The following SYN3 variants were observed in gnomAD, a reference collection of about 807,000 sequenced individuals.
SYN3 encodes synapsin III, also known as synapsin-3.
Under a neutral mutation model 65.8 loss-of-function variants are expected in SYN3, and 35 were observed. The ratio of observed to expected loss-of-function variants is 0.53; its 90% CI spans 0.41 to 0.70. The LOEUF (loss-of-function observed/expected upper bound fraction) is 0.70. Among genes scored for constraint, SYN3 ranks in the 30% least tolerant of loss-of-function variants. SYN3 has a pLI of 0.00. For synonymous variants in SYN3, 270 were observed against 292.9 expected, an observed-to-expected ratio of 0.92 and a Z score of 0.80; for missense variants, 680 against 749.0, an observed-to-expected ratio of 0.91 and a Z score of 1.08.
At chr22:32,522,386 A>G (rs1196032702) in intron 12 of SYN3, among the ~76,000 whole-genome samples, 1 of 152,188 alleles carries the variant, frequency 6.6e-6, no homozygotes, top group Admixed American at 6.5e-5. Flanking sequence ...TCTGGGCCAG[A>G]GAGGAAATCA....
rs907703834 is a variant in SYN3, at chr22:32,686,990, T to C, written c.712-90254A>G. Among the ~76,000 whole-genome samples, 9 of 152,086 alleles carry C rather than the reference T, an allele frequency of 5.9e-5. No homozygotes were observed. In the South Asian group the frequency reaches 1.2e-3, roughly 21 times the overall value. The stretch of plus-strand genomic sequence containing the variant: ...CTGGAAGTGGAGCAAAGAGGAGTTG[T>C]TGCTTCTCAGACCAGAACTGACCAT... On this transcript the variant is annotated intron_variant, in intron 6 of 13. Transcript: ENST00000358763.
At chr22:32,582,354 CTT>C (rs35437184) in intron 7 of SYN3, among the ~76,000 whole-genome samples, 86 of 138,436 alleles carry the variant, frequency 6.2e-4, no homozygotes, top group East Asian at 6.9e-4. Context: ...TGCATTCTCC[CTT>C]TTTTTTTTTT....
chr22:32,586,024 ATGTATGTATATATG>A, intron 7 of SYN3, among the ~76,000 whole-genome samples: 1 of 133,116 alleles, frequency 7.5e-6, no homozygotes, highest in African/African-American at 3.3e-5. Context: ...GTATATATGT[ATGTATGTATATATG>A]TATATGTATA....
intron 4 of SYN3, among the ~76,000 whole-genome samples, chr22:32,894,579 C>G (rs569376424): frequency 3.9e-5 from 6 of 152,198 alleles, no homozygotes; most frequent in African/African-American, 1.4e-4. Context: ...GGCACGACCC[C>G]GTCATCCTGA....
chr22:32,802,894 A>C (rs973606433), intron 6 of SYN3, among the ~76,000 whole-genome samples: 4 of 152,156 alleles, frequency 2.6e-5, no homozygotes, highest in Non-Finnish European at 5.9e-5. Flanking sequence ...ATTTGTCACC[A>C]AAAGAACAAA....
chr22:32,623,055 C>T (rs751553520), intron 6 of SYN3, among the ~76,000 whole-genome samples: 2 of 152,048 alleles, frequency 1.3e-5, no homozygotes, highest in Non-Finnish European at 2.9e-5. Context: ...TCTACCACAA[C>T]AGATTAGCCA....
chr22:32,638,452 T>A (rs1213984016), intron 6 of SYN3, among the ~76,000 whole-genome samples: 1 of 152,256 alleles, frequency 6.6e-6, no homozygotes, highest in Non-Finnish European at 1.5e-5. Context: ...TTCCCTTTTC[T>A]CTGCAGCCTC....
Position 32,801,899 on chromosome 22 carries a change from C to T in SYN3, c.711+63016G>A. The T allele has an allele frequency of 5.1e-6, 7 of 1,382,574 alleles. No homozygotes were observed. The highest frequency in any genetic ancestry group is 6.5e-6 in the Non-Finnish European group (7 of 1,074,144). 85.6% of individuals were successfully genotyped at this position (1,382,574 alleles called of 1,614,324 possible). A position where few individuals can be genotyped will look rare whatever the true frequency, so the allele number is the denominator to read the frequency against. ...CGGAGGCCAAGGTTGCCCCGCACGG[C>T]CCGGCGGGCGAGCGAGCTCGGGCTG... On this transcript the variant is annotated intron_variant, in intron 6 of 13. Coordinates refer to ENST00000358763, the MANE Select transcript of SYN3 (RefSeq NM_003490.4). The surrounding 1 kb of genome is among the most constrained non-coding windows in gnomAD (Gnocchi z 4.7).
chr22:32,965,708 T>C (rs2051814361), intron 3 of SYN3, among the ~76,000 whole-genome samples: 1 of 152,136 alleles, frequency 6.6e-6, no homozygotes, highest in Non-Finnish European at 1.5e-5. Flanking sequence ...TTGTTGTTGT[T>C]GTTTTATGAT....
chr22:32,664,743 G>A (rs1366607294), intron 6 of SYN3, among the ~76,000 whole-genome samples: 2 of 151,060 alleles, frequency 1.3e-5, no homozygotes, highest in East Asian at 2.0e-4. Context: ...TGCGCCCGCC[G>A]CCAAGCCCGG....
chr22:32,933,517 C>T (rs1414861307), intron 3 of SYN3, among the ~76,000 whole-genome samples: 2 of 152,192 alleles, frequency 1.3e-5, no homozygotes, highest in African/African-American at 4.8e-5. Context: ...CAACCTCTGC[C>T]TTCCAGTTTC....
chr22:32,754,360 C>CA (rs1355995390), intron 6 of SYN3, among the ~76,000 whole-genome samples: 4 of 152,180 alleles, frequency 2.6e-5, no homozygotes, highest in African/African-American at 7.2e-5. Flanking sequence ...CCATGTTTGC[C>CA]AGGCTGGTCT....
chr22:32,712,278 T>G (rs970718733), intron 6 of SYN3, among the ~76,000 whole-genome samples: 2 of 152,244 alleles, frequency 1.3e-5, no homozygotes, highest in Non-Finnish European at 2.9e-5. Flanking sequence ...TGGCTTCTGC[T>G]TCATGCACTC....
intron 6 of SYN3, among the ~76,000 whole-genome samples, chr22:32,667,859 G>A (rs1221084707): frequency 1.1e-4 from 4 of 35,606 alleles, no homozygotes; most frequent in Non-Finnish European, 1.7e-4. Context: ...ATGCAGTGGC[G>A]CCATCTCTGC....
chr22:32,927,561 C>G (rs2050509809), intron 4 of SYN3, among the ~76,000 whole-genome samples: 1 of 152,060 alleles, frequency 6.6e-6, no homozygotes, highest in Non-Finnish European at 1.5e-5. Context: ...TGTTTACTTT[C>G]TTCCCTGACA....
Position 32,717,220 on chromosome 22 carries a change from C to T in SYN3, c.712-120484G>A, listed in dbSNP as rs112101264. On this transcript the variant is annotated intron_variant, in intron 6 of 13. Coordinates refer to ENST00000358763, the MANE Select transcript of SYN3 (RefSeq NM_003490.4). ...AGATTGAGAGCTCAGCTAGATCTGA[C>T]CCCTGAGCCCACGATGCTATACTCC... Among the ~76,000 whole-genome samples, 1,294 of 152,304 alleles carry T rather than the reference C, an allele frequency of 8.5e-3. 7 individuals are homozygous for T. The highest frequency in any genetic ancestry group is 0.012 in the Non-Finnish European group (833 of 68,028).
chr22:32,622,862 T>C (rs1309610482), intron 6 of SYN3, among the ~76,000 whole-genome samples: 1 of 152,092 alleles, frequency 6.6e-6, no homozygotes, highest in Non-Finnish European at 1.5e-5. Context: ...GTTTCTAGTT[T>C]AGCTTGTGTT....
intron 4 of SYN3, among the ~76,000 whole-genome samples, chr22:32,929,579 T>A (rs1180253476): frequency 2.6e-4 from 40 of 152,168 alleles, no homozygotes; most frequent in Non-Finnish European, 1.5e-5. Flanking sequence ...ATTTCTGGCA[T>A]GTCTGGGATC....
At chr22:32,773,074 G>T (rs1395670665) in intron 6 of SYN3, among the ~76,000 whole-genome samples, 1 of 152,152 alleles carries the variant, frequency 6.6e-6, no homozygotes, top group Non-Finnish European at 1.5e-5. Flanking sequence ...AATAGGCATG[G>T]TTGTGTCCCA....
Sources: allele counts gnomAD v4.1 joint callset (sites outside exome capture counted in the v4.1 genomes callset), GRCh38; gene constraint gnomAD v4.1.1; non-coding constraint Gnocchi (gnomAD v3.1); transcripts MANE v1.5; gene names NCBI Gene and HGNC (gene_info 2026-07-23, HGNC 2026-07-21).